KTN1: variants seen among roughly 807,000 people sequenced by gnomAD.
KTN1 encodes kinectin.
A neutral mutation model predicts 222.5 loss-of-function variants in KTN1; 130 were observed. The ratio of observed to expected loss-of-function variants is 0.58; its 90% CI spans 0.51 to 0.68. The LOEUF is 0.68. Among genes scored for constraint, KTN1 ranks in the 30% least tolerant of loss-of-function variants. The probability of loss-of-function intolerance (pLI) is 0.00; values close to 1 mark genes in which losing one functional copy is unlikely to be tolerated. For missense variants in KTN1, 1,508 were observed against 1,500.4 expected, an observed-to-expected ratio of 1.01 and a Z score of -0.08; for synonymous variants, 512 against 496.3, an observed-to-expected ratio of 1.03 and a Z score of -0.42.
intron 29 of KTN1, among the ~76,000 whole-genome samples, chr14:55,657,915 TA>T (rs887010345): frequency 3.4e-4 from 50 of 147,594 alleles, no homozygotes; most frequent in South Asian, 6.4e-4. Flanking sequence ...CTGCCATCTT[TA>T]AAAAAAAAAA....
At chr14:55,603,677 C>A (rs919129419) in intron 1 of KTN1, among the ~76,000 whole-genome samples, 2 of 152,144 alleles carry the variant, frequency 1.3e-5, no homozygotes, top group South Asian at 2.1e-4. Flanking sequence ...AAATATAGTC[C>A]ATTTGCTGAA....
chr14:55,636,423 T>G, intron 9 of KTN1, 26 bp from the exon 10 acceptor site: 1 of 1,544,608 alleles, frequency 6.5e-7, no homozygotes, highest in Non-Finnish European at 8.9e-7. Flanking sequence ...TGCTAATTTA[T>G]CCTTTCTCCC....
intron 1 of KTN1, among the ~76,000 whole-genome samples, chr14:55,585,468 T>A (rs1458070580): frequency 6.6e-6 from 1 of 152,220 alleles, no homozygotes; most frequent in East Asian, 1.9e-4. Context: ...ACTGATTTCT[T>A]TTCTTAAAAT....
At chr14:55,604,055 C>G (rs1211528341) in intron 1 of KTN1, among the ~76,000 whole-genome samples, 1 of 152,218 alleles carries the variant, frequency 6.6e-6, no homozygotes, top group African/African-American at 2.4e-5. Context: ...ACACCCTTCC[C>G]TAGTCAGACC....
chr14:55,627,496 T>G lies in KTN1; in HGVS notation c.964-416T>G, dbSNP rs545331467. Reference sequence around the variant, plus strand: ...TATACTTTAAGTTCTGGGATACATGTGCAGAACGTGCAGGTTTGTTACATA... The same window carrying G: ...TATACTTTAAGTTCTGGGATACATGGGCAGAACGTGCAGGTTTGTTACATA... On this transcript the variant is annotated intron_variant, in intron 5 of 43. Coordinates refer to ENST00000395314, the MANE Select transcript of KTN1 (RefSeq NM_001079521.2). Among the ~76,000 whole-genome samples, 8 of 152,292 alleles carry G rather than the reference T, an allele frequency of 5.3e-5. No homozygotes were observed. The East Asian group carries it at 1.5e-3, about 29-fold the overall frequency.
intron 28 of KTN1, among the ~76,000 whole-genome samples, chr14:55,653,891 T>G (rs2043188338): frequency 6.6e-6 from 1 of 152,210 alleles, no homozygotes; most frequent in Non-Finnish European, 1.5e-5. Flanking sequence ...AATATGCAAT[T>G]ATTATAGAGA....
chr14:55,609,385 C>T (rs2140564773), intron 1 of KTN1, among the ~76,000 whole-genome samples: 1 of 152,192 alleles, frequency 6.6e-6, no homozygotes, highest in South Asian at 2.1e-4. Flanking sequence ...CTCTTGGTGT[C>T]TAGTTAGGTT....
chr14:55,582,990 C>A (rs1341123010), intron 1 of KTN1, among the ~76,000 whole-genome samples: 1 of 152,162 alleles, frequency 6.6e-6, no homozygotes, highest in Non-Finnish European at 1.5e-5. Context: ...CTTCCTCTTT[C>A]AGTTCCTGTG....
At chr14:55,593,705 C>A (rs2034546786) in intron 1 of KTN1, among the ~76,000 whole-genome samples, 1 of 152,000 alleles carries the variant, frequency 6.6e-6, no homozygotes, top group Non-Finnish European at 1.5e-5. Flanking sequence ...TAAGGAATTA[C>A]TAATTTTTAA....
At position 55,653,882 on chromosome 14, in the gene KTN1, A is replaced by G. The variant is rs6573051; in HGVS notation, c.2801+286A>G. On this transcript the variant is annotated intron_variant, in intron 28 of 43. Transcript: ENST00000395314. ...GTTTTAAGTTATTTTTTAAAACAAAATATGCAATTATTATAGAGATTAAAC... is the reference window on the plus strand; with the variant it reads ...GTTTTAAGTTATTTTTTAAAACAAAGTATGCAATTATTATAGAGATTAAAC... Among the ~76,000 whole-genome samples the G allele has an allele frequency of 0.38, 58,247 of 152,090 alleles. 11,296 individuals are homozygous for G. Among genetic ancestry groups the G allele is most frequent in the African/African-American group, 0.44 (18,409 of 41,482 alleles).
intron 24 of KTN1, 124 bp downstream of exon 24, chr14:55,650,761 T>C: frequency 1.7e-6 from 1 of 590,588 alleles, no homozygotes; most frequent in South Asian, 2.8e-5. Context: ...TTATGTGCTT[T>C]TAATTTTATT....
chr14:55,603,499 T>C (rs773064989), intron 1 of KTN1, among the ~76,000 whole-genome samples: 59 of 152,332 alleles, frequency 3.9e-4, no homozygotes, highest in Non-Finnish European at 6.3e-4. Context: ...TAATAGACTT[T>C]ATTCATCTGG....
intron 43 of KTN1, chr14:55,681,274 A>G (rs1187183190): frequency 6.5e-6 from 1 of 153,128 alleles, no homozygotes; most frequent in African/African-American, 2.4e-5. Context: ...GAAATATGTC[A>G]AAAATGCTGA....
chr14:55,682,333 AGATT>A (rs1282597422), intron 43 of KTN1: 4 of 152,100 alleles, frequency 2.6e-5, no homozygotes, highest in Non-Finnish European at 5.9e-5. Flanking sequence ...GGGGAGTGGG[AGATT>A]GATTAAGATG....
At chr14:55,644,025 T>C (rs1332139653) in intron 18 of KTN1, among the ~76,000 whole-genome samples, 1 of 152,172 alleles carries the variant, frequency 6.6e-6, no homozygotes, top group East Asian at 1.9e-4. Flanking sequence ...TTAAGATCTG[T>C]TGGGTAATTC....
chr14:55,637,377 C>CT lies in KTN1; in HGVS notation c.1716+26dup, dbSNP rs370256596. On this transcript the variant is annotated intron_variant, in intron 11 of 43. Coordinates refer to ENST00000395314, the MANE Select transcript of KTN1 (RefSeq NM_001079521.2). Reference sequence around the variant, plus strand: ...AATGCAGGTTCAGGTATTTTTTCTTCTTTTTTTTTTTTTAAAAAAATACAG... The same window carrying CT: ...AATGCAGGTTCAGGTATTTTTTCTTCTTTTTTTTTTTTTTAAAAAAATACAG... The CT allele has an allele frequency of 0.062, 70,050 of 1,133,914 alleles. 5 individuals carry two copies. The highest frequency in any genetic ancestry group is 0.066 in the Non-Finnish European group (55,452 of 837,098). 70.2% of individuals were successfully genotyped at this position (1,133,914 alleles called of 1,614,324 possible). A position where few individuals can be genotyped will look rare whatever the true frequency, so the allele number is the denominator to read the frequency against.
intron 1 of KTN1, among the ~76,000 whole-genome samples, chr14:55,597,607 A>G (rs2035267241): frequency 6.6e-6 from 1 of 152,216 alleles, no homozygotes; most frequent in East Asian, 1.9e-4. Context: ...TAATCCCAGC[A>G]CTTTGGGAGG....
chr14:55,671,243 T>C, intron 35 of KTN1: 1 of 293,112 alleles, frequency 3.4e-6, no homozygotes, highest in Non-Finnish European at 6.2e-6. Context: ...TTCTTGTATC[T>C]CAAGTGGCAT....
chr14:55,600,806 T>C (rs1048174585), intron 1 of KTN1, among the ~76,000 whole-genome samples: 3 of 152,196 alleles, frequency 2.0e-5, no homozygotes, highest in African/African-American at 7.2e-5. Flanking sequence ...AAAACTGATT[T>C]GAAAGACTAT....
Sources: allele counts gnomAD v4.1 joint callset (sites outside exome capture counted in the v4.1 genomes callset), GRCh38; gene constraint gnomAD v4.1.1; transcripts MANE v1.5; gene names NCBI Gene and HGNC (gene_info 2026-07-23, HGNC 2026-07-21).